The following ABCA12 variants were observed in gnomAD, a reference collection of about 807,000 sequenced individuals.
The protein encoded by ABCA12 is glucosylceramide transporter ABCA12.
Under a neutral mutation model 293.5 loss-of-function variants are expected in ABCA12, and 156 were observed. That is an observed-to-expected ratio of 0.53 (90% CI 0.47 to 0.61). ABCA12 has a LOEUF of 0.61. Among genes scored for constraint, ABCA12 ranks in the 20% least tolerant of loss-of-function variants. ABCA12 has a pLI of 0.00. For synonymous variants in ABCA12, 1,063 were observed against 1,108.0 expected (o/e 0.96, Z 0.81); for missense variants, 2,797 against 3,090.2 (o/e 0.91, Z 2.25).
chr2:215,116,564 A>G (rs1053457890), intron 1 of ABCA12, among the ~76,000 whole-genome samples: 5 of 152,190 alleles, frequency 3.3e-5, no homozygotes, highest in African/African-American at 1.2e-4. Flanking sequence ...ACATTAAAAT[A>G]TATTTGAAAA....
At chr2:215,031,684 C>A in intron 9 of ABCA12, 137 bp downstream of exon 9, 1 of 1,007,148 alleles carries the variant, frequency 9.9e-7, no homozygotes, top group Non-Finnish European at 1.5e-6. Context: ...TGGACTATGC[C>A]CTTTCCTCTG....
chr2:215,040,396 C>A (rs1701074632), intron 7 of ABCA12, among the ~76,000 whole-genome samples: 1 of 151,936 alleles, frequency 6.6e-6, no homozygotes, highest in Non-Finnish European at 1.5e-5. Context: ...CAGAGAAATG[C>A]AAATCAAAAT....
Position 215,001,614 on chromosome 2 carries a change from A to G in ABCA12, c.2807T>C (p.Ile936Thr). Residue 936 changes from isoleucine (I) to threonine (T), a missense_variant, in exon 21 of 53, where the codon ATA becomes ACA. Around this residue, in one of 3 missense-constraint regions of ABCA12, gnomAD observed 2,130 missense variants for 2,427.0 expected, o/e 0.88. Coordinates refer to ENST00000272895, the MANE Select transcript of ABCA12 (RefSeq NM_173076.3). ...LYDRIQAAKT[I>T]DEMEREAKRL... is the part of the protein sequence containing the mutation. ...TTTAGCCTCTCTCTCCATTTCATCT[A>G]TGGTTTTTGCTGCCTGAATACGGTC... is the stretch of plus-strand genomic sequence containing the variant. 1 of 1,613,796 alleles carries G rather than the reference A, an allele frequency of 6.2e-7. No homozygotes were observed. The highest frequency in any genetic ancestry group is 1.7e-5 in the Admixed American group (1 of 60,016).
intron 1 of ABCA12, among the ~76,000 whole-genome samples, chr2:215,115,166 T>TTA (rs1196241257): frequency 4.6e-5 from 7 of 152,186 alleles, no homozygotes; most frequent in Non-Finnish European, 1.5e-5. Flanking sequence ...AACGAATCTA[T>TTA]TATTACAAGG....
At chr2:214,944,185 G>A (rs1364493294) in intron 49 of ABCA12, among the ~76,000 whole-genome samples, 2 of 152,074 alleles carry the variant, frequency 1.3e-5, no homozygotes, top group Non-Finnish European at 2.9e-5. Context: ...GGCCAAGGGG[G>A]TGTATCATTT....
Position 214,974,787 on chromosome 2 carries a change from G to A in ABCA12, c.5459C>T (p.Thr1820Ile), listed in dbSNP as rs1699472526. 1 of 1,613,860 alleles carries A rather than the reference G, an allele frequency of 6.2e-7. No individual in the cohort carries two copies. Among genetic ancestry groups the A allele is most frequent in the African/African-American group, 1.3e-5 (1 of 74,914 alleles). Residue 1820 changes from threonine to isoleucine, a missense_variant, in exon 35 of 53, where the codon ACC becomes ATC. By Grantham distance (89) the Thr-to-Ile change is moderately conservative. This residue lies in a region of ABCA12 where 2,130 missense variants were observed against 2,427.0 expected (regional missense o/e 0.88). Transcript: ENST00000272895. ...FPGIDNMCLNTSDLQCLNKDS... is the reference protein window; with the variant it reads ...FPGIDNMCLNISDLQCLNKDS... Reference sequence around the variant, plus strand: ...AGCAAGAACCACTTACAGATCACTGGTGTTCAGACACATGTTGTCAATTCC... The same window carrying A: ...AGCAAGAACCACTTACAGATCACTGATGTTCAGACACATGTTGTCAATTCC...
At chr2:215,062,743 G>A (rs1280940264) in intron 3 of ABCA12, among the ~76,000 whole-genome samples, 1 of 151,886 alleles carries the variant, frequency 6.6e-6, no homozygotes, top group Non-Finnish European at 1.5e-5. Context: ...CCTTGTCCTT[G>A]TTGGTCTCTA....
rs1320052957 is a variant in ABCA12 at position 215,134,614 on chromosome 2, TATAGAGAGAG to T, written c.69+3516_69+3525del. ...CTCTCTCTCTCTATATATATATATA[TATAGAGAGAG>T]AGAGAGAGAGAGAGAGACAAACAGA... On this transcript the variant is annotated intron_variant, in intron 1 of 52. Coordinates refer to ENST00000272895, the MANE Select transcript of ABCA12 (RefSeq NM_173076.3). Among the ~76,000 whole-genome samples, 2 of 86,298 alleles carry T rather than the reference TATAGAGAGAG, an allele frequency of 2.3e-5. 1 individual carries two copies. Among genetic ancestry groups the T allele is most frequent in the African/African-American group, 1.8e-4 (2 of 10,934 alleles). The allele number at this position is 86,298 out of a possible 152,430, so 56.6% of individuals were successfully genotyped here. A position where few individuals can be genotyped will look rare whatever the true frequency, so the allele number is the denominator to read the frequency against.
At chr2:215,046,766 T>C (rs1028237976) in intron 6 of ABCA12, among the ~76,000 whole-genome samples, 2 of 152,096 alleles carry the variant, frequency 1.3e-5, no homozygotes, top group Non-Finnish European at 2.9e-5. Flanking sequence ...ATTTTTACCA[T>C]TGTTGTTTAA....
intron 50 of ABCA12, 108 bp downstream of exon 50, chr2:214,942,817 C>T: frequency 1.1e-6 from 1 of 886,990 alleles, no homozygotes; most frequent in Non-Finnish European, 1.8e-6. Flanking sequence ...ATTAGCTTGT[C>T]CATTCTAGTT....
At chr2:215,131,697 C>CTTT (rs1328288807) in intron 1 of ABCA12, among the ~76,000 whole-genome samples, 1 of 51,150 alleles carries the variant, frequency 2.0e-5, no homozygotes, top group Non-Finnish European at 3.4e-5. Context: ...TTGATCCTTT[C>CTTT]TATTGTTTTT....
intron 2 of ABCA12, among the ~76,000 whole-genome samples, chr2:215,086,807 A>T (rs1241922801): frequency 6.6e-6 from 1 of 152,184 alleles, no homozygotes; most frequent in Non-Finnish European, 1.5e-5. Context: ...TTGCAAATAA[A>T]TATTTTCATG....
At chr2:214,940,948 C>T (rs188410074) in intron 50 of ABCA12, among the ~76,000 whole-genome samples, 12,415 of 151,778 alleles carry the variant, frequency 0.082, 1,128 homozygotes, top group African/African-American at 0.23. Context: ...AAGGGTTTTT[C>T]GAGTCTCTAT....
intron 1 of ABCA12, among the ~76,000 whole-genome samples, chr2:215,114,838 T>C (rs1344549039): frequency 6.6e-6 from 1 of 152,218 alleles, no homozygotes; most frequent in Non-Finnish European, 1.5e-5. Flanking sequence ...GTCATAGTTA[T>C]GAAAGTATTC....
At chr2:214,999,887 A>G (rs1700105055) in intron 22 of ABCA12, 20 of 933,748 alleles carry the variant, frequency 2.1e-5, no homozygotes, top group Non-Finnish European at 2.6e-5. Context: ...AGAAAGAAAA[A>G]AGAAGAGAAA....
chr2:214,970,151 A>G (rs1699354261), intron 37 of ABCA12, 122 bp downstream of exon 37: 8 of 1,031,856 alleles, frequency 7.8e-6, no homozygotes, highest in Non-Finnish European at 9.6e-6. Flanking sequence ...CTGTTTAAAT[A>G]AAACTGAGAA....
At chr2:215,110,522 C>T (rs1394196390) in intron 2 of ABCA12, among the ~76,000 whole-genome samples, 1 of 151,770 alleles carries the variant, frequency 6.6e-6, no homozygotes. Context: ...CTCGACAAAA[C>T]AAAACAAAAA....
chr2:214,986,609 G>T lies in ABCA12; in HGVS notation c.4096C>A (p.Leu1366Met), dbSNP rs1042675172. ...GSKVAVDNLN[L>M]NFYEGHITSL... ...GTAATATGCCCTTCATAAAAGTTCA[G>T]ATTGAGGTTATCAACAGCAACTTTT... Residue 1366 changes from leucine to methionine, a missense_variant, in exon 28 of 53, where the codon CTG becomes ATG. Leu to Met is a conservative substitution (Grantham distance 15). Around this residue, in one of 3 missense-constraint regions of ABCA12, gnomAD observed 2,130 missense variants for 2,427.0 expected, o/e 0.88. Transcript: ENST00000272895. 2 of 1,614,018 alleles carry T rather than the reference G, an allele frequency of 1.2e-6. No individual in the cohort carries two copies. Among genetic ancestry groups the T allele is most frequent in the African/African-American group, 2.7e-5 (2 of 74,994 alleles).
In ABCA12 at chr2:215,019,773, G is replaced by T. The variant is rs368693704; in HGVS notation, c.1311C>A (p.Thr437=). 2 of 1,612,920 alleles carry T rather than the reference G, an allele frequency of 1.2e-6. No homozygotes were observed. The highest frequency in any genetic ancestry group is 1.7e-5 in the Admixed American group (1 of 60,000). Residue 437 remains threonine, a synonymous_variant, in exon 12 of 53, where the codon ACC becomes ACA. Coordinates refer to ENST00000272895, the MANE Select transcript of ABCA12 (RefSeq NM_173076.3). Reference sequence around the variant, plus strand: ...AAGTTTCAGATTCACAAAGAAGTTCGGTCAAGTTTCGAAGTTGAGACAGCT... The same window carrying T: ...AAGTTTCAGATTCACAAAGAAGTTCTGTCAAGTTTCGAAGTTGAGACAGCT... ...KSKLSQLRNL[T]ELLCESETFS...
Sources: allele counts gnomAD v4.1 joint callset (sites outside exome capture counted in the v4.1 genomes callset), GRCh38; gene constraint gnomAD v4.1.1; regional missense constraint gnomAD v4.1.1; transcripts MANE v1.5; gene names NCBI Gene and HGNC (gene_info 2026-07-23, HGNC 2026-07-21).